NLRP12: variants seen among roughly 807,000 people sequenced by gnomAD.
The protein encoded by NLRP12 is NACHT, LRR and PYD domains-containing protein 12.
In NLRP12, 108 loss-of-function variants were observed where a neutral mutation model predicts 91.2. That is an observed-to-expected ratio of 1.18 (90% CI 1.01 to 1.39). NLRP12 has a LOEUF of 1.39. NLRP12 is among the 40% of genes most tolerant of loss of function. NLRP12 has a pLI of 0.00. For synonymous variants in NLRP12, 613 were observed against 566.7 expected (o/e 1.08, Z -1.16); for missense variants, 1,530 against 1,352.7 (o/e 1.13, Z -2.06).
intron 1 of NLRP12, among the ~76,000 whole-genome samples, chr19:53,823,341 T>A (rs977354175): frequency 2.2e-5 from 3 of 137,462 alleles, no homozygotes; most frequent in East Asian, 3.9e-4. Context: ...TATTTATATA[T>A]AATATATACC....
rs1291910228 is a variant in NLRP12 at position 53,804,008 on chromosome 19, G to A, written c.2529C>T (p.Gly843=). 2 of 1,614,062 alleles carry A rather than the reference G, an allele frequency of 1.2e-6. No individual in the cohort carries two copies. The highest frequency in any genetic ancestry group is 1.7e-5 in the Admixed American group (1 of 59,978). Residue 843 remains glycine (G), a synonymous_variant, in exon 6 of 10, where the codon GGC becomes GGT. Transcript: ENST00000324134. The part of the protein sequence containing the change: ...DLTGNALEDL[G]LRLLCQGLRH... ...TCAGTCCCTGGCATAGTAACCTCAG[G>A]CCCAAATCCTCCAGTGCATTTCCTG...
At chr19:53,813,109 G>A (rs965182258) in intron 2 of NLRP12, among the ~76,000 whole-genome samples, 3 of 151,688 alleles carry the variant, frequency 2.0e-5, no homozygotes, top group Non-Finnish European at 2.9e-5. Context: ...TCGAACTCCT[G>A]ACCTCAAGTG....
chr19:53,810,874 C>T lies in NLRP12; in HGVS notation c.785G>A (p.Cys262Tyr). 4 of 1,614,130 alleles carry T rather than the reference C, an allele frequency of 2.5e-6. No homozygotes were observed. The highest frequency in any genetic ancestry group is 3.4e-6 in the Non-Finnish European group (4 of 1,180,024). The change falls in exon 3 of 10, where the codon TGC becomes TAC. Residue 262 changes from cysteine to tyrosine, a missense_variant. By Grantham distance (194) the Cys-to-Tyr change is radical. Transcript: ENST00000324134. ...GCTGAAGATGAGGTCTTGCATGCTG[C>T]ATTCCGTGGCACTCTGGTTCATCTC... ...CREMNQSATE[C>Y]SMQDLIFSCW...
intron 1 of NLRP12, among the ~76,000 whole-genome samples, chr19:53,823,438 T>TATATTTTTAAAATATATATTTAAA (rs1568702759): frequency 3.4e-5 from 4 of 116,410 alleles, no homozygotes; most frequent in South Asian, 2.5e-4. Flanking sequence ...ATATTTAAAA[T>TATATTTTTAAAATATATATTTAAA]ATATGTTTTA....
rs564414949 is a variant in NLRP12 at position 53,795,353 on chromosome 19, C to T, written c.3098+506G>A. On this transcript the variant is annotated intron_variant, in intron 9 of 9. Transcript: ENST00000324134. Reference sequence around the variant, plus strand: ...GACCTCCAATGCAATTGGTGAGCCACGATGGTCCCCTTCAACAGACAAGGA... The same window carrying T: ...GACCTCCAATGCAATTGGTGAGCCATGATGGTCCCCTTCAACAGACAAGGA... Among the ~76,000 whole-genome samples the T allele has an allele frequency of 9.3e-5, 14 of 149,900 alleles. No homozygotes were observed. The South Asian group carries it at 1.5e-3, about 16-fold the overall frequency.
At chr19:53,805,491 T>A (rs371584316) in intron 4 of NLRP12, 41 bp from the exon 5 acceptor site, 2 of 1,603,746 alleles carry the variant, frequency 1.2e-6, no homozygotes, top group Non-Finnish European at 1.7e-6. Context: ...TCATTTCTTT[T>A]GCTCCAGTTT....
chr19:53,812,650 C>A (rs893327765), intron 2 of NLRP12, among the ~76,000 whole-genome samples: 1 of 151,984 alleles, frequency 6.6e-6, no homozygotes, highest in South Asian at 2.1e-4. Flanking sequence ...TGTGGAGAAA[C>A]CCTGGTCTGG....
chr19:53,801,152 G>T, intron 7 of NLRP12, 75 bp downstream of exon 7: 1 of 1,377,502 alleles, frequency 7.3e-7, no homozygotes, highest in Non-Finnish European at 1.0e-6. Context: ...AGACAACCTG[G>T]CCTCCGTGGT....
At position 53,802,484 on chromosome 19, in the gene NLRP12, G is replaced by A. The variant is rs532886656; in HGVS notation, c.2586-1087C>T. On this transcript the variant is annotated intron_variant, in intron 6 of 9. Coordinates refer to ENST00000324134, the MANE Select transcript of NLRP12 (RefSeq NM_144687.4). ...GCACTTTCGGGGGCTGAGGCGGGCG[G>A]GTCACGAGGTCAGGAGATCGAGACC... 4.0e-5 allele frequency among the ~76,000 whole-genome samples: 6 copies of A among 151,764 alleles called. No individual in the cohort carries two copies. In the East Asian group the frequency reaches 7.9e-4, roughly 20 times the overall value.
Position 53,824,210 on chromosome 19 carries a change from G to A in NLRP12, c.-36C>T. On this transcript the variant is annotated 5_prime_UTR_variant, in exon 1 of 10. Coordinates refer to ENST00000324134, the MANE Select transcript of NLRP12 (RefSeq NM_144687.4). ...TGAGCCCCAAAGGAGAGGACCTGGAGGCTGAGATGCTCCTATGCACGGGAC... is the reference window on the plus strand; with the variant it reads ...TGAGCCCCAAAGGAGAGGACCTGGAAGCTGAGATGCTCCTATGCACGGGAC... The A allele has an allele frequency of 6.2e-7, 1 of 1,607,830 alleles. No individual in the cohort carries two copies. Among genetic ancestry groups the A allele is most frequent in the Non-Finnish European group, 8.5e-7 (1 of 1,177,146 alleles).
chr19:53,821,351 T>C (rs1483257303), intron 1 of NLRP12, among the ~76,000 whole-genome samples: 1 of 152,002 alleles, frequency 6.6e-6, no homozygotes, highest in African/African-American at 2.4e-5. Context: ...TGTGATTATT[T>C]TATGAGATAG....
chr19:53,811,025 T>G lies in NLRP12; in HGVS notation c.634A>C (p.Thr212Pro), dbSNP rs1162807112. Residue 212 changes from threonine (T) to proline (P), a missense_variant, in exon 3 of 10, where the codon ACC becomes CCC. Thr to Pro is a conservative substitution (Grantham distance 38). Transcript: ENST00000324134. The part of the protein sequence containing the change: ...PDEERPEPPR[T>P]VVMQGAAGIG... ...CCTGCCGCGCCTTGCATGACCACGG[T>G]GCGCGGTGGCTCGGGGCGCTCCTCG... 6.2e-7 allele frequency: 1 copy of G among 1,613,196 alleles called. No homozygotes were observed. The highest frequency in any genetic ancestry group is 8.5e-7 in the Non-Finnish European group (1 of 1,179,246).
At chr19:53,804,606 T>G (rs975787323) in intron 5 of NLRP12, among the ~76,000 whole-genome samples, 1 of 150,640 alleles carries the variant, frequency 6.6e-6, no homozygotes, top group African/African-American at 2.4e-5. Context: ...ACGGGGTGTT[T>G]CTCCGTGTTG....
chr19:53,822,766 C>T (rs1568701159), intron 1 of NLRP12, among the ~76,000 whole-genome samples: 1 of 146,902 alleles, frequency 6.8e-6, no homozygotes, highest in East Asian at 2.1e-4. Context: ...GATACCTCAT[C>T]TCTTTCTTAA....
chr19:53,807,454 G>A lies in NLRP12; in HGVS notation c.2243+41C>T, dbSNP rs748775157. 9 of 1,595,432 alleles carry A rather than the reference G, an allele frequency of 5.6e-6. No individual in the cohort carries two copies. The African/African-American group carries it at 6.7e-5, about 12-fold the overall frequency. On this transcript the variant is annotated intron_variant, in intron 4 of 9. Transcript: ENST00000324134. ...GTGACTGATCCCCATGAGAGGCCAC[G>A]GTGGGGACCACCTGAAACGCCCAGA... is the stretch of plus-strand genomic sequence containing the variant.
At position 53,809,750 on chromosome 19, in the gene NLRP12, C is replaced by T. The variant is rs1254553227; in HGVS notation, c.1909G>A (p.Val637Met). 2 of 1,614,152 alleles carry T rather than the reference C, an allele frequency of 1.2e-6. No individual in the cohort carries two copies. The highest frequency in any genetic ancestry group is 1.7e-5 in the Admixed American group (1 of 60,008). The part of the protein sequence containing the change: ...QQALSHFQVI[V>M]VSNIASKMEH... ...ATCTTGGAGGCAATGTTGCTGACCA[C>T]GATCACCTGGAAGTGGCTCAGGGCC... The change falls in exon 3 of 10, where the codon GTG (valine) becomes ATG (methionine). Residue 637 changes from valine to methionine, a missense_variant. Physicochemically the swap from Val to Met is conservative, Grantham distance 21. Transcript: ENST00000324134.
At position 53,803,954 on chromosome 19, in the gene NLRP12, C is replaced by G. The variant is rs1024237885; in HGVS notation, c.2583G>C (p.Leu861Phe). ...AGTTGACCCCAGGAAGAACTCACCA[C>G]AAAGTCCGTAGTCTGCAGACTGGGT... ...LRHPVCRLRT[L>F]WLKICRLTAA... Residue 861 changes from leucine (L) to phenylalanine (F), a missense_variant and splice_region_variant, in exon 6 of 10, where the codon TTG (leucine) becomes TTC (phenylalanine). By Grantham distance (22) the Leu-to-Phe change is conservative. Transcript: ENST00000324134. The G allele has an allele frequency of 6.2e-7, 1 of 1,614,030 alleles. No individual in the cohort carries two copies. Among genetic ancestry groups the G allele is most frequent in the Non-Finnish European group, 8.5e-7 (1 of 1,179,938 alleles).
chr19:53,795,107 CGTGT>C (rs56027837), intron 9 of NLRP12, among the ~76,000 whole-genome samples: 3,867 of 85,416 alleles, frequency 0.045, 60 homozygotes, highest in African/African-American at 0.058. Flanking sequence ...CTGGTGTGTG[CGTGT>C]GTGTGTGTGT....
At chr19:53,818,333 CAA>C (rs1165861774) in intron 1 of NLRP12, among the ~76,000 whole-genome samples, 2 of 152,026 alleles carry the variant, frequency 1.3e-5, no homozygotes, top group African/African-American at 4.8e-5. Flanking sequence ...CTCAGCCTCC[CAA>C]AGTGCTGGGA....
Sources: gnomAD v4.1 joint callset for allele counts (sites outside exome capture counted in the v4.1 genomes callset) on GRCh38, gnomAD v4.1.1 for gene constraint, MANE v1.5 for transcripts, NCBI Gene and HGNC (gene_info 2026-07-23, HGNC 2026-07-21) for gene names.